The following RSU1 variants were observed in gnomAD, a reference collection of about 807,000 sequenced individuals.
The protein encoded by RSU1 is Ras suppressor protein 1, also known as rsu-1.
Under a neutral mutation model 31.1 loss-of-function variants are expected in RSU1, and 26 were observed. The ratio of observed to expected loss-of-function variants is 0.84; its 90% CI spans 0.61 to 1.16. RSU1 has a LOEUF of 1.16. Ranked by LOEUF, RSU1 falls within the 50% of genes most tolerant of loss-of-function variation. RSU1 has a pLI of 0.00. For synonymous variants in RSU1, 164 were observed against 136.3 expected (o/e 1.20, Z -1.41); for missense variants, 320 against 339.1 (o/e 0.94, Z 0.44).
chr10:16,683,496 C>G (rs540530852), intron 8 of RSU1, among the ~76,000 whole-genome samples: 4 of 152,238 alleles, frequency 2.6e-5, no homozygotes, highest in African/African-American at 9.6e-5. Flanking sequence ...ATTCTATCAC[C>G]TTTGACACGC....
intron 8 of RSU1, among the ~76,000 whole-genome samples, chr10:16,679,645 G>A (rs1265349221): frequency 3.3e-5 from 5 of 152,268 alleles, no homozygotes; most frequent in Non-Finnish European, 5.9e-5. Flanking sequence ...ACACGTGGAC[G>A]TGAGGTGGAA....
intron 2 of RSU1, among the ~76,000 whole-genome samples, chr10:16,797,813 C>T (rs184775519): frequency 3.6e-4 from 54 of 148,750 alleles, no homozygotes; most frequent in African/African-American, 1.2e-3. Flanking sequence ...AAACACAATA[C>T]GTAATACTTT....
At chr10:16,630,585 C>T (rs773471465) in intron 8 of RSU1, among the ~76,000 whole-genome samples, 2 of 152,170 alleles carry the variant, frequency 1.3e-5, no homozygotes, top group African/African-American at 2.4e-5. Context: ...ATGCTCAAAG[C>T]TGGCATTAGC....
chr10:16,797,939 G>A (rs1057267370), intron 2 of RSU1, among the ~76,000 whole-genome samples: 6 of 138,778 alleles, frequency 4.3e-5, no homozygotes, highest in African/African-American at 1.4e-4. Context: ...TCGGCTCACT[G>A]TAACCTCCGC....
intron 3 of RSU1, among the ~76,000 whole-genome samples, chr10:16,774,231 T>C (rs56319109): frequency 0.2 from 30,662 of 152,170 alleles, 3,317 homozygotes; most frequent in African/African-American, 0.29. Context: ...CTTATCAATA[T>C]TTTTTAAAAA....
chr10:16,793,724 G>A (rs1011338402), intron 2 of RSU1, among the ~76,000 whole-genome samples: 1 of 152,026 alleles, frequency 6.6e-6, no homozygotes, highest in Non-Finnish European at 1.5e-5. Context: ...GTGGGACAGG[G>A]ATAGAATATG....
chr10:16,803,805 C>CCTAA (rs1180015714), intron 2 of RSU1, among the ~76,000 whole-genome samples: 1 of 152,116 alleles, frequency 6.6e-6, no homozygotes, highest in Admixed American at 6.5e-5. Context: ...TAGACAAAGA[C>CCTAA]CTAACATCGT....
intron 7 of RSU1, among the ~76,000 whole-genome samples, chr10:16,737,794 T>A (rs1284734774): frequency 2.0e-5 from 3 of 151,590 alleles, no homozygotes; most frequent in Non-Finnish European, 4.4e-5. Context: ...TTATAACATA[T>A]CAACTAATGT....
chr10:16,624,655 T>C (rs746666032), intron 8 of RSU1, among the ~76,000 whole-genome samples: 7 of 152,152 alleles, frequency 4.6e-5, no homozygotes, highest in Non-Finnish European at 7.4e-5. Flanking sequence ...TATTCACTCA[T>C]AGTGTTGTGA....
intron 7 of RSU1, among the ~76,000 whole-genome samples, chr10:16,720,297 T>A (rs1420859025): frequency 6.6e-6 from 1 of 152,206 alleles, no homozygotes; most frequent in East Asian, 1.9e-4. Context: ...TTACATAAAA[T>A]ATTCTGGATA....
chr10:16,607,614 T>C (rs1833825787), intron 8 of RSU1, among the ~76,000 whole-genome samples: 1 of 152,186 alleles, frequency 6.6e-6, no homozygotes, highest in Admixed American at 6.5e-5. Flanking sequence ...TATCACACAC[T>C]GAGCAGGTGC....
chr10:16,802,637 A>G (rs1838182674), intron 2 of RSU1, among the ~76,000 whole-genome samples: 1 of 152,150 alleles, frequency 6.6e-6, no homozygotes, highest in African/African-American at 2.4e-5. Flanking sequence ...AGATACAAAA[A>G]TCCTCTACAA....
At chr10:16,727,214 C>G (rs74922967) in intron 7 of RSU1, 2 of 447,452 alleles carry the variant, frequency 4.5e-6, no homozygotes, top group East Asian at 7.1e-5. Context: ...GAAAGAGTGA[C>G]GATGTTCCGC....
intron 4 of RSU1, among the ~76,000 whole-genome samples, chr10:16,755,405 G>A (rs930946042): frequency 1.3e-5 from 2 of 151,120 alleles, no homozygotes. Context: ...TTACAGGCGT[G>A]AGCCCCCATG....
At position 16,805,308 on chromosome 10, in the gene RSU1, A is replaced by T. The variant is rs189958306; in HGVS notation, c.109+11665T>A. ...TAATATGGGAAACTAGGAACGGGGG[A>T]TGGAGGAGAGACGTGGATCTGTACT... On this transcript the variant is annotated intron_variant, in intron 2 of 8. Coordinates refer to ENST00000345264, the MANE Select transcript of RSU1 (RefSeq NM_012425.4). Among the ~76,000 whole-genome samples, 496 of 152,264 alleles carry T rather than the reference A, an allele frequency of 3.3e-3. 4 individuals are homozygous for T. Among genetic ancestry groups the T allele is most frequent in the African/African-American group, 0.012 (481 of 41,548 alleles).
chr10:16,689,724 A>G (rs1003656278), intron 8 of RSU1, among the ~76,000 whole-genome samples: 3 of 152,230 alleles, frequency 2.0e-5, no homozygotes, highest in Non-Finnish European at 4.4e-5. Flanking sequence ...ACTAATATGA[A>G]TAATAGTATG....
At chr10:16,640,990 T>C (rs1471172692) in intron 8 of RSU1, among the ~76,000 whole-genome samples, 1 of 152,210 alleles carries the variant, frequency 6.6e-6, no homozygotes, top group African/African-American at 2.4e-5. Context: ...TGTAGTATCA[T>C]TGTTCCCACC....
chr10:16,772,798 C>T (rs751969916), intron 3 of RSU1, among the ~76,000 whole-genome samples: 2 of 152,022 alleles, frequency 1.3e-5, no homozygotes, highest in East Asian at 1.9e-4. Context: ...ACATAAGCCT[C>T]GATTATTAAC....
At chr10:16,762,262 T>G (rs1326164459) in intron 4 of RSU1, among the ~76,000 whole-genome samples, 2 of 151,952 alleles carry the variant, frequency 1.3e-5, no homozygotes, top group African/African-American at 2.4e-5. Context: ...CTGCTCAGTA[T>G]GTGCCAAGCA....
Sources: allele counts gnomAD v4.1 joint callset (sites outside exome capture counted in the v4.1 genomes callset), GRCh38; gene constraint gnomAD v4.1.1; transcripts MANE v1.5; gene names NCBI Gene and HGNC (gene_info 2026-07-23, HGNC 2026-07-21).